Variants in FAM76A observed in about 807,000 individuals in gnomAD.
FAM76A encodes family with sequence similarity 76 member A.
In FAM76A, 32 loss-of-function variants were observed where a neutral mutation model predicts 46.2. That is an observed-to-expected ratio of 0.69 (90% CI 0.52 to 0.93). The LOEUF is 0.93. Among genes scored for constraint, FAM76A ranks in the 40% least tolerant of loss-of-function variants. The pLI is 0.00. For synonymous variants in FAM76A, 137 were observed against 127.0 expected (o/e 1.08, Z -0.53); for missense variants, 274 against 361.5 (o/e 0.76, Z 1.96).
At chr1:27,748,469 G>GTTT (rs1162208303) in intron 5 of FAM76A, among the ~76,000 whole-genome samples, 13 of 112,628 alleles carry the variant, frequency 1.2e-4, no homozygotes, top group South Asian at 3.0e-4. Context: ...TCTTATTGAA[G>GTTT]TTTTTTTTTT....
intron 1 of FAM76A, among the ~76,000 whole-genome samples, chr1:27,726,428 G>A (rs1477013783): frequency 1.3e-5 from 2 of 152,140 alleles, no homozygotes; most frequent in Admixed American, 1.3e-4. Context: ...GGGACAGCGG[G>A]TCCCCTGCTT....
At chr1:27,738,959 G>C (rs992167993) in intron 4 of FAM76A, 1 of 158,158 alleles carries the variant, frequency 6.3e-6, no homozygotes, top group Admixed American at 6.5e-5. Context: ...AATGAGCTTG[G>C]CACATGATTA....
At chr1:27,727,907 A>G (rs550664565) in intron 2 of FAM76A, among the ~76,000 whole-genome samples, 9 of 150,024 alleles carry the variant, frequency 6.0e-5, no homozygotes, top group African/African-American at 2.2e-4. Context: ...TCCCAGGTTC[A>G]AGCGATTCTT....
chr1:27,746,173 C>G (rs746724632), intron 5 of FAM76A, among the ~76,000 whole-genome samples: 1 of 152,090 alleles, frequency 6.6e-6, no homozygotes, highest in African/African-American at 2.4e-5. Flanking sequence ...AAGGTTGATT[C>G]AGGAAGATGT....
At chr1:27,740,181 G>T in intron 4 of FAM76A, 1 of 564,628 alleles carries the variant, frequency 1.8e-6, no homozygotes. Flanking sequence ...GGAACAGTGG[G>T]TAAAATCAAT....
intron 1 of FAM76A, among the ~76,000 whole-genome samples, chr1:27,726,499 T>TG (rs1222394012): frequency 6.6e-6 from 1 of 152,218 alleles, no homozygotes; most frequent in Admixed American, 6.5e-5. Flanking sequence ...GCGGTCTCCC[T>TG]GGTGGGGACC....
intron 1 of FAM76A, among the ~76,000 whole-genome samples, chr1:27,726,822 TTTTTC>T (rs1432195079): frequency 6.6e-6 from 1 of 152,186 alleles, no homozygotes; most frequent in African/African-American, 2.4e-5. Context: ...CCAACTTCTC[TTTTTC>T]TTTTAAGTTG....
chr1:27,725,984 A>G lies in FAM76A; in HGVS notation c.-97A>G. 1 of 995,770 alleles carries G rather than the reference A, an allele frequency of 1.0e-6. No individual in the cohort carries two copies. The highest frequency in any genetic ancestry group is 1.3e-6 in the Non-Finnish European group (1 of 778,822). The allele number at this position is 995,770 out of a possible 1,614,324, so 61.7% of individuals were successfully genotyped here. Reference sequence around the variant, plus strand: ...CCGCCTGCGCCCGCCCGCCTGCCGCAGCCAGCAGCCTGCAGCCGCCGCCGG... The same window carrying G: ...CCGCCTGCGCCCGCCCGCCTGCCGCGGCCAGCAGCCTGCAGCCGCCGCCGG... On this transcript the variant is annotated 5_prime_UTR_variant, in exon 1 of 9. Coordinates refer to ENST00000373954, the MANE Select transcript of FAM76A (RefSeq NM_152660.3).
Position 27,759,586 on chromosome 1 carries a change from C to T in FAM76A, c.796C>T (p.Gln266Ter). The change falls in exon 8 of 9, where the codon CAG becomes TAG. Residue 266 changes from glutamine to a stop codon, truncating the protein, a stop_gained. Coordinates refer to ENST00000373954, the MANE Select transcript of FAM76A (RefSeq NM_152660.3). LOFTEE classifies it high-confidence loss of function. ...QESQMRAKMNQMEKTHKEVTE... is the reference protein window; with the variant it reads ...QESQMRAKMN ...ATCGCAGATGAGAGCCAAAATGAAC[C>T]AGATGGAGAAAACCCACAAAGAAGT... 1 of 1,613,608 alleles carries T rather than the reference C, an allele frequency of 6.2e-7. No individual in the cohort carries two copies. Among genetic ancestry groups the T allele is most frequent in the Non-Finnish European group, 8.5e-7 (1 of 1,179,856 alleles).
At chr1:27,749,896 A>G (rs894498792) in intron 6 of FAM76A, among the ~76,000 whole-genome samples, 5 of 152,216 alleles carry the variant, frequency 3.3e-5, no homozygotes, top group Non-Finnish European at 7.3e-5. Flanking sequence ...ATTTCAAGCC[A>G]GTCTAAATGC....
chr1:27,737,876 A>AAAAAAAAAAAAAAACAAAAAAAAAAAC, intron 4 of FAM76A, among the ~76,000 whole-genome samples: 1 of 146,162 alleles, frequency 6.8e-6, no homozygotes, highest in African/African-American at 2.5e-5. Flanking sequence ...AACAAAAAAA[A>AAAAAAAAAAAAAAACAAAAAAAAAAAC]AAAAAAAAAA....
At chr1:27,733,929 G>C (rs1398666506) in intron 3 of FAM76A, 102 bp from the exon 4 acceptor site, 2 of 1,138,866 alleles carry the variant, frequency 1.8e-6, no homozygotes, top group Non-Finnish European at 1.3e-6. Flanking sequence ...CAATACATTT[G>C]TACCATGACT....
At chr1:27,736,871 C>T (rs2088055905) in intron 4 of FAM76A, among the ~76,000 whole-genome samples, 2 of 152,158 alleles carry the variant, frequency 1.3e-5, no homozygotes, top group Admixed American at 1.3e-4. Context: ...AAGTGATCAG[C>T]CCACCTCGGC....
intron 7 of FAM76A, among the ~76,000 whole-genome samples, chr1:27,759,138 G>T (rs1267988631): frequency 1.3e-5 from 2 of 152,094 alleles, no homozygotes; most frequent in Non-Finnish European, 2.9e-5. Flanking sequence ...TGCTAACTCT[G>T]TATATGATCT....
At chr1:27,727,800 A>ATTTTT (rs10716346) in intron 2 of FAM76A, among the ~76,000 whole-genome samples, 33 of 64,498 alleles carry the variant, frequency 5.1e-4, no homozygotes, top group Admixed American at 8.7e-4. Context: ...GATTGCTTAA[A>ATTTTT]TTTTTTTTTT....
intron 1 of FAM76A, 144 bp from the exon 2 acceptor site, chr1:27,727,328 G>C (rs2087877171): frequency 1.7e-5 from 11 of 658,268 alleles, no homozygotes; most frequent in Non-Finnish European, 2.8e-5. Context: ...CAGTATTACA[G>C]AGGAGAAAAA....
chr1:27,757,188 CTTTTTTT>C (rs1182814614), intron 7 of FAM76A, among the ~76,000 whole-genome samples: 29 of 81,612 alleles, frequency 3.6e-4, no homozygotes, highest in Admixed American at 5.0e-4. Context: ...CTCATTTATT[CTTTTTTT>C]TTTTTTTTTT....
chr1:27,749,349 A>G (rs2088297052), intron 6 of FAM76A, among the ~76,000 whole-genome samples, 195 bp downstream of exon 6: 1 of 152,210 alleles, frequency 6.6e-6, no homozygotes, highest in Non-Finnish European at 1.5e-5. Flanking sequence ...TTTAATAGCA[A>G]TTGAATTCTG....
At chr1:27,754,477 T>A (rs2088379758) in intron 6 of FAM76A, among the ~76,000 whole-genome samples, 1 of 152,116 alleles carries the variant, frequency 6.6e-6, no homozygotes, top group South Asian at 2.1e-4. Context: ...CAAAATAGAG[T>A]GCTCTAATGC....
Sources: allele counts gnomAD v4.1 joint callset (sites outside exome capture counted in the v4.1 genomes callset), GRCh38; gene constraint gnomAD v4.1.1; transcripts MANE v1.5; gene names NCBI Gene and HGNC (gene_info 2026-07-23, HGNC 2026-07-21).